TLCD4: variants seen among roughly 807,000 people sequenced by gnomAD.
The protein encoded by TLCD4 is TLC domain-containing protein 4.
A neutral mutation model predicts 24.2 loss-of-function variants in TLCD4; 7 were observed. The observed-to-expected ratio is 0.29, with a 90% CI of 0.16 to 0.54. The LOEUF (loss-of-function observed/expected upper bound fraction) is 0.54, where lower values mean the gene tolerates loss of function less well. Ranked by LOEUF, TLCD4 falls within the 20% of genes least tolerant of loss-of-function variation. TLCD4 has a pLI of 0.95. For missense variants in TLCD4, 259 were observed against 313.9 expected, an observed-to-expected ratio of 0.82 and a Z score of 1.32; for synonymous variants, 103 against 106.4, an observed-to-expected ratio of 0.97 and a Z score of 0.20.
chr1:95,163,427 T>C (rs1223758773), intron 5 of TLCD4: 3 of 151,876 alleles, frequency 2.0e-5, no homozygotes, highest in African/African-American at 4.8e-5. Flanking sequence ...TTTTAGCTTT[T>C]TTGCGATGGG....
chr1:95,132,868 T>C (rs1425968735), intron 1 of TLCD4, among the ~76,000 whole-genome samples: 1 of 152,084 alleles, frequency 6.6e-6, no homozygotes, highest in Non-Finnish European at 1.5e-5. Context: ...GAGAAAATGG[T>C]CAGGATCTGA....
chr1:95,121,892 T>G (rs1364038583), intron 1 of TLCD4, among the ~76,000 whole-genome samples: 2 of 152,254 alleles, frequency 1.3e-5, no homozygotes, highest in African/African-American at 2.4e-5. Flanking sequence ...AAACAGCTTC[T>G]TGGAGAAACT....
intron 1 of TLCD4, among the ~76,000 whole-genome samples, chr1:95,127,559 G>C (rs1472669769): frequency 6.6e-6 from 1 of 152,224 alleles, no homozygotes; most frequent in African/African-American, 2.4e-5. Context: ...TCCAAGCCAA[G>C]AGCTCCTTTT....
intron 5 of TLCD4, among the ~76,000 whole-genome samples, chr1:95,165,758 G>T (rs7555236): frequency 0.021 from 3,129 of 152,226 alleles, 48 homozygotes; most frequent in Middle Eastern, 0.041. Flanking sequence ...GAGCCACTGC[G>T]CCTGGCCTAG....
rs543556286 is a variant in TLCD4 at position 95,134,773 on chromosome 1, T to C, written c.-11-9118T>C. Reference sequence around the variant, plus strand: ...ATGGTTTTATTTTCCTTGACTAGAGTGACAACAGGCCCAGAGATTGTATGT... The same window carrying C: ...ATGGTTTTATTTTCCTTGACTAGAGCGACAACAGGCCCAGAGATTGTATGT... On this transcript the variant is annotated intron_variant, in intron 1 of 6. Coordinates refer to ENST00000370203, the MANE Select transcript of TLCD4 (RefSeq NM_152487.3). 1.8e-4 allele frequency among the ~76,000 whole-genome samples: 28 copies of C among 152,198 alleles called. 2 individuals are homozygous for C. The highest frequency in any genetic ancestry group is 6.5e-4 in the African/African-American group (27 of 41,532).
At chr1:95,170,818 A>G (rs947595348) in intron 5 of TLCD4, among the ~76,000 whole-genome samples, 3 of 152,130 alleles carry the variant, frequency 2.0e-5, no homozygotes, top group African/African-American at 7.2e-5. Flanking sequence ...AAAACAGAAC[A>G]TTTCTCTTAT....
At chr1:95,168,814 C>T (rs1443299858) in intron 5 of TLCD4, among the ~76,000 whole-genome samples, 1 of 152,094 alleles carries the variant, frequency 6.6e-6, no homozygotes. Flanking sequence ...ATGGGCCAGG[C>T]ACTGTGTAAG....
At chr1:95,174,044 T>C in intron 6 of TLCD4, 155 bp downstream of exon 6, 1 of 1,192,052 alleles carries the variant, frequency 8.4e-7, no homozygotes, top group East Asian at 2.6e-5. Flanking sequence ...AAGTGAGTTT[T>C]GGAAAGGTTA....
chr1:95,139,174 CA>C (rs71097248), intron 1 of TLCD4, among the ~76,000 whole-genome samples: 21,001 of 76,668 alleles, frequency 0.27, 2,178 homozygotes, highest in East Asian at 0.56. Context: ...GAACCTGTGT[CA>C]AAAAAAAAAA....
chr1:95,094,310 T>C, the TLCD4 span, among the ~76,000 whole-genome samples: 10 of 152,148 alleles, frequency 6.6e-5, no homozygotes, highest in Admixed American at 5.9e-4. Context: ...GCATTTTTTT[T>C]TTTTTTGGTA....
At chr1:95,182,581 C>T (rs919165257) in intron 6 of TLCD4, among the ~76,000 whole-genome samples, 1 of 152,090 alleles carries the variant, frequency 6.6e-6, no homozygotes, top group Non-Finnish European at 1.5e-5. Context: ...GCTACTAATA[C>T]CATTTCTTTA....
Position 95,197,113 on chromosome 1 carries a change from G to A in TLCD4, c.*5245G>A, listed in dbSNP as rs1293904233. ...ATATAATTGTCAAAGATTTTTGGAA[G>A]TCTTTCAAAATATACTTAATACCAT... is the stretch of plus-strand genomic sequence containing the variant. On this transcript the variant is annotated 3_prime_UTR_variant, in exon 7 of 7. Coordinates refer to ENST00000370203, the MANE Select transcript of TLCD4 (RefSeq NM_152487.3). 1 of 152,024 alleles carries A rather than the reference G, an allele frequency of 6.6e-6. No homozygotes were observed. Among genetic ancestry groups the A allele is most frequent in the Non-Finnish European group, 1.5e-5 (1 of 67,976 alleles). The allele number at this position is 152,024 out of a possible 1,614,324, so 9.4% of individuals were successfully genotyped here.
intron 1 of TLCD4, among the ~76,000 whole-genome samples, chr1:95,136,028 C>T (rs188097999): frequency 6.6e-6 from 1 of 151,094 alleles, no homozygotes; most frequent in Admixed American, 6.6e-5. Flanking sequence ...GGCCTGCTCT[C>T]AAGTTTTCAA....
At chr1:95,190,954 A>G (rs914033070) in intron 6 of TLCD4, among the ~76,000 whole-genome samples, 4 of 152,184 alleles carry the variant, frequency 2.6e-5, no homozygotes, top group Admixed American at 6.5e-5. Flanking sequence ...TGTCTTTCGC[A>G]GAGCAAGTTT....
chr1:95,158,682 C>T (rs1425282805), intron 5 of TLCD4, among the ~76,000 whole-genome samples: 16 of 143,040 alleles, frequency 1.1e-4, no homozygotes, highest in African/African-American at 2.6e-4. Flanking sequence ...TGACAGGCCC[C>T]GGTGTGTGCT....
chr1:95,183,333 A>G (rs1252892261), intron 6 of TLCD4, among the ~76,000 whole-genome samples: 1 of 152,224 alleles, frequency 6.6e-6, no homozygotes, highest in Non-Finnish European at 1.5e-5. Context: ...TTGGACCCAG[A>G]GAAATGTGCC....
At chr1:95,173,943 T>G in intron 6 of TLCD4, 54 bp downstream of exon 6, 8 of 1,609,536 alleles carry the variant, frequency 5.0e-6, no homozygotes, top group Non-Finnish European at 6.8e-6. Context: ...ATTTTTAGTT[T>G]GGGCAAATCC....
At chr1:95,123,697 A>G (rs1386870250) in intron 1 of TLCD4, among the ~76,000 whole-genome samples, 1 of 152,156 alleles carries the variant, frequency 6.6e-6, no homozygotes. Context: ...AGAGTTATTT[A>G]GTTTTGAAAA....
intron 1 of TLCD4, among the ~76,000 whole-genome samples, chr1:95,129,771 A>G (rs1202266175): frequency 6.6e-6 from 1 of 152,156 alleles, no homozygotes; most frequent in African/African-American, 2.4e-5. Context: ...AATTATATGA[A>G]CATAGGGCTT....
Sources: gnomAD v4.1 joint callset for allele counts (sites outside exome capture counted in the v4.1 genomes callset) on GRCh38, gnomAD v4.1.1 for gene constraint, MANE v1.5 for transcripts, NCBI Gene and HGNC (gene_info 2026-07-23, HGNC 2026-07-21) for gene names.